Variants in BMP7 observed in about 807,000 individuals in gnomAD.
BMP7 encodes osteogenic protein 1.
A neutral mutation model predicts 41.2 loss-of-function variants in BMP7; 12 were observed. The observed-to-expected ratio is 0.29, with a 90% CI of 0.19 to 0.47. The LOEUF is 0.47. Ranked by LOEUF, BMP7 falls within the 20% of genes least tolerant of loss-of-function variation. The pLI, the probability that BMP7 is intolerant of heterozygous loss-of-function variation, is 0.99. For missense variants in BMP7, 467 were observed against 606.0 expected (o/e 0.77, Z 2.41); for synonymous variants, 248 against 250.0 (o/e 0.99, Z 0.07).
intron 2 of BMP7, among the ~76,000 whole-genome samples, chr20:57,212,814 G>A (rs1470197930): frequency 6.6e-6 from 1 of 152,202 alleles, no homozygotes; most frequent in Non-Finnish European, 1.5e-5. Flanking sequence ...CACCCTGGCA[G>A]CCAGCTCCCG....
At chr20:57,251,113 T>C (rs2066111297) in intron 1 of BMP7, among the ~76,000 whole-genome samples, 1 of 152,138 alleles carries the variant, frequency 6.6e-6, no homozygotes, top group Admixed American at 6.5e-5. Flanking sequence ...TGATTGGCTA[T>C]GGTGTAGCAA....
chr20:57,252,107 C>T (rs1347349287), intron 1 of BMP7, among the ~76,000 whole-genome samples: 2 of 152,220 alleles, frequency 1.3e-5, no homozygotes, highest in African/African-American at 4.8e-5. Context: ...AACCCTGTCG[C>T]AGCGGCAGTA....
At chr20:57,218,061 G>A (rs561114877) in intron 2 of BMP7, among the ~76,000 whole-genome samples, 1 of 152,364 alleles carries the variant, frequency 6.6e-6, no homozygotes, top group African/African-American at 2.4e-5. Context: ...CAAGGCCAGG[G>A]CCGGCTTCAT....
At position 57,228,210 on chromosome 20, in the gene BMP7, A is replaced by G. The variant is rs761268742; in HGVS notation, c.611+19T>C. Reference sequence around the variant, plus strand: ...AGAGGAAACTCAGCACCTCTCCCAGATACCCGTATAGCACCCACCTGCCCA... The same window carrying G: ...AGAGGAAACTCAGCACCTCTCCCAGGTACCCGTATAGCACCCACCTGCCCA... On this transcript the variant is annotated intron_variant, in intron 2 of 6. Coordinates refer to ENST00000395863, the MANE Select transcript of BMP7 (RefSeq NM_001719.3). This position sits in a 1 kb window ranked among gnomAD's most constrained non-coding sequence, Gnocchi z 4.5. The G allele has an allele frequency of 6.2e-7, 1 of 1,611,972 alleles. No individual in the cohort carries two copies. Among genetic ancestry groups the G allele is most frequent in the Admixed American group, 1.7e-5 (1 of 60,008 alleles).
chr20:57,235,328 C>T (rs1344265558), intron 1 of BMP7, among the ~76,000 whole-genome samples: 1 of 152,164 alleles, frequency 6.6e-6, no homozygotes, highest in Non-Finnish European at 1.5e-5. Flanking sequence ...GCAATGCATA[C>T]TCTTGTGCAT....
intron 2 of BMP7, among the ~76,000 whole-genome samples, chr20:57,217,508 T>C (rs1408766744): frequency 1.3e-5 from 2 of 152,160 alleles, no homozygotes; most frequent in Non-Finnish European, 2.9e-5. Context: ...GTGACCCACG[T>C]CACTCAAGTT....
intron 1 of BMP7, among the ~76,000 whole-genome samples, chr20:57,263,789 G>C (rs886366758): frequency 8.6e-5 from 13 of 150,398 alleles, no homozygotes; most frequent in African/African-American, 3.3e-4. Flanking sequence ...TTTTGGTATA[G>C]TTAATAAATA....
At chr20:57,187,521 G>GC (rs1160299439) in intron 3 of BMP7, among the ~76,000 whole-genome samples, 1 of 149,344 alleles carries the variant, frequency 6.7e-6, no homozygotes, top group Admixed American at 6.7e-5. Flanking sequence ...TGGAAAAGAA[G>GC]CCTCCCACTC....
intron 1 of BMP7, among the ~76,000 whole-genome samples, chr20:57,252,808 C>T (rs2123144203): frequency 6.6e-6 from 1 of 152,280 alleles, no homozygotes; most frequent in South Asian, 2.1e-4. Flanking sequence ...CAGATGAATT[C>T]CCAAGGTTGA....
At chr20:57,210,335 C>T (rs1465841282) in intron 2 of BMP7, among the ~76,000 whole-genome samples, 1 of 152,228 alleles carries the variant, frequency 6.6e-6, no homozygotes, top group African/African-American at 2.4e-5. Context: ...CCGCACATCC[C>T]CAGGCTCGTT....
chr20:57,170,904 A>G lies in BMP7; in HGVS notation c.*55T>C, dbSNP rs1051689402. ...GGTCTGCTGGTTCCTGGCCAAGGCGAGCAATGGAGGATCCAGAAAAACTTG... is the reference window on the plus strand; with the variant it reads ...GGTCTGCTGGTTCCTGGCCAAGGCGGGCAATGGAGGATCCAGAAAAACTTG... On this transcript the variant is annotated 3_prime_UTR_variant, in exon 7 of 7. Coordinates refer to ENST00000395863, the MANE Select transcript of BMP7 (RefSeq NM_001719.3). 1 of 1,604,090 alleles carries G rather than the reference A, an allele frequency of 6.2e-7. No homozygotes were observed. Among genetic ancestry groups the G allele is most frequent in the Non-Finnish European group, 8.5e-7 (1 of 1,177,084 alleles).
intron 1 of BMP7, among the ~76,000 whole-genome samples, chr20:57,250,887 C>G (rs1279822417): frequency 6.6e-6 from 1 of 152,208 alleles, no homozygotes; most frequent in African/African-American, 2.4e-5. Flanking sequence ...TTGCCTGTGT[C>G]CAGTCGACAC....
intron 1 of BMP7, among the ~76,000 whole-genome samples, chr20:57,242,181 G>C (rs1292574993): frequency 6.6e-6 from 1 of 152,176 alleles, no homozygotes; most frequent in African/African-American, 2.4e-5. Flanking sequence ...AAGGCACCCT[G>C]GGCATTGTCT....
At chr20:57,235,425 A>G (rs964145675) in intron 1 of BMP7, among the ~76,000 whole-genome samples, 1 of 152,208 alleles carries the variant, frequency 6.6e-6, no homozygotes, top group Admixed American at 6.5e-5. Flanking sequence ...CTTTAGTTCC[A>G]CATCTGACTG....
At chr20:57,200,547 G>A (rs962929996) in intron 3 of BMP7, among the ~76,000 whole-genome samples, 2 of 152,242 alleles carry the variant, frequency 1.3e-5, no homozygotes, top group Admixed American at 1.3e-4. Flanking sequence ...TGAGCCAGCA[G>A]AACAGGCAAG....
intron 2 of BMP7, among the ~76,000 whole-genome samples, chr20:57,202,969 G>T (rs1187206084): frequency 6.6e-6 from 1 of 152,186 alleles, no homozygotes; most frequent in East Asian, 1.9e-4. Context: ...GAGAGCAGAA[G>T]TTGATAGTGA....
intron 1 of BMP7, among the ~76,000 whole-genome samples, chr20:57,236,579 C>A (rs1295585753): frequency 6.6e-6 from 1 of 152,082 alleles, no homozygotes; most frequent in East Asian, 1.9e-4. Context: ...GAGAACGATG[C>A]CACCAGAAGG....
In BMP7 at chr20:57,261,358, C is replaced by T. The variant is rs185443691; in HGVS notation, c.418+4347G>A. Among the ~76,000 whole-genome samples the T allele has an allele frequency of 1.1e-4, 16 of 152,188 alleles. 1 individual carries two copies. Among genetic ancestry groups the T allele is most frequent in the Middle Eastern group, 3.4e-3 (1 of 294 alleles). ...TCTCTGTTACCCCTTCCATGGGGAC[C>T]GCTCCACAACCGAATGACAACCCTG... On this transcript the variant is annotated intron_variant, in intron 1 of 6. Transcript: ENST00000395863. The surrounding 1 kb of genome is among the most constrained non-coding windows in gnomAD (Gnocchi z 4.1).
chr20:57,223,387 C>T (rs148071354), intron 2 of BMP7, among the ~76,000 whole-genome samples: 6 of 152,272 alleles, frequency 3.9e-5, no homozygotes, highest in South Asian at 2.1e-4. Context: ...TCAACCCCTA[C>T]GGATCAGGAG....
Sources: allele counts gnomAD v4.1 joint callset (sites outside exome capture counted in the v4.1 genomes callset), GRCh38; gene constraint gnomAD v4.1.1; non-coding constraint Gnocchi (gnomAD v3.1); transcripts MANE v1.5; gene names NCBI Gene and HGNC (gene_info 2026-07-23, HGNC 2026-07-21).